Variants in RBFOX1 observed in about 807,000 individuals in gnomAD.
The protein encoded by RBFOX1 is RNA binding protein fox-1 homolog 1.
Under a neutral mutation model 57.7 loss-of-function variants are expected in RBFOX1, and 8 were observed. The ratio of observed to expected loss-of-function variants is 0.14; its 90% CI spans 0.08 to 0.25. RBFOX1 has a LOEUF of 0.25. Among genes scored for constraint, RBFOX1 ranks in the 10% least tolerant of loss-of-function variants. The pLI is 1.00. For synonymous variants in RBFOX1, 326 were observed against 222.4 expected, an observed-to-expected ratio of 1.47 and a Z score of -4.15; for missense variants, 611 against 548.5, an observed-to-expected ratio of 1.11 and a Z score of -1.14.
At chr16:6,648,536 A>G (rs2098552003) in intron 2 of RBFOX1, among the ~76,000 whole-genome samples, 1 of 152,066 alleles carries the variant, frequency 6.6e-6, no homozygotes, top group Admixed American at 6.6e-5. Flanking sequence ...CTAATGCCAG[A>G]ACTGGAATTA....
At chr16:6,485,751 ACTTT>A (rs2095465976) in intron 2 of RBFOX1, among the ~76,000 whole-genome samples, 1 of 152,210 alleles carries the variant, frequency 6.6e-6, no homozygotes, top group Non-Finnish European at 1.5e-5. Context: ...ATACGAAAGT[ACTTT>A]CTGTCTCATG....
At chr16:5,941,551 T>C (rs2059278381) in intron 4 of RBFOX1, among the ~76,000 whole-genome samples, 2 of 151,802 alleles carry the variant, frequency 1.3e-5, no homozygotes, top group South Asian at 4.2e-4. Context: ...GAGGGTCCCA[T>C]GAGAGCAGAA....
At chr16:7,603,528 G>T (rs2095145521) in intron 9 of RBFOX1, among the ~76,000 whole-genome samples, 1 of 152,190 alleles carries the variant, frequency 6.6e-6, no homozygotes, top group African/African-American at 2.4e-5. Flanking sequence ...ACTCTAAGAG[G>T]AGGTGGGAAA....
intron 4 of RBFOX1, among the ~76,000 whole-genome samples, chr16:5,984,749 T>C (rs775883385): frequency 5.3e-5 from 8 of 152,018 alleles, no homozygotes; most frequent in Non-Finnish European, 1.2e-4. Flanking sequence ...CTAGATGGTA[T>C]AGCCTCCTGC....
At chr16:7,544,953 T>C (rs1158196583) in intron 5 of RBFOX1, among the ~76,000 whole-genome samples, 1 of 152,208 alleles carries the variant, frequency 6.6e-6, no homozygotes, top group Admixed American at 6.5e-5. Context: ...GCAGCTCAGT[T>C]ACGATGTGTG....
intron 3 of RBFOX1, among the ~76,000 whole-genome samples, chr16:5,731,477 G>T (rs1167588666): frequency 6.6e-6 from 1 of 152,170 alleles, no homozygotes; most frequent in African/African-American, 2.4e-5. Context: ...CCATTTTACA[G>T]AAAAGAAGAC....
intron 1 of RBFOX1, among the ~76,000 whole-genome samples, chr16:6,104,185 A>C (rs1160685471): frequency 1.3e-5 from 2 of 152,004 alleles, no homozygotes; most frequent in Non-Finnish European, 2.9e-5. Context: ...GACAGACAAT[A>C]ATTGTATATG....
chr16:6,282,980 G>T (rs2076545641), intron 1 of RBFOX1, among the ~76,000 whole-genome samples: 1 of 152,130 alleles, frequency 6.6e-6, no homozygotes, highest in Non-Finnish European at 1.5e-5. Context: ...GTGTACCATT[G>T]TCACCCTGTT....
intron 1 of RBFOX1, among the ~76,000 whole-genome samples, chr16:6,238,090 C>CAAAAAAAAAAAA (rs368995420): frequency 1.5e-5 from 1 of 66,084 alleles, no homozygotes; most frequent in Non-Finnish European, 3.1e-5. Flanking sequence ...GACTCTGTCT[C>CAAAAAAAAAAAA]AAAAAAAAAA....
intron 11 of RBFOX1, among the ~76,000 whole-genome samples, chr16:7,650,544 C>T (rs974126692): frequency 2.0e-4 from 31 of 151,528 alleles, no homozygotes; most frequent in African/African-American, 6.1e-4. Context: ...CCTGGCTCCA[C>T]GCTCTTAACA....
intron 1 of RBFOX1, among the ~76,000 whole-genome samples, chr16:6,265,232 T>A (rs1179583205): frequency 6.6e-6 from 1 of 151,132 alleles, no homozygotes; most frequent in Non-Finnish European, 1.5e-5. Flanking sequence ...GTGGCCCTAT[T>A]TTTTTTTTGA....
intron 3 of RBFOX1, among the ~76,000 whole-genome samples, chr16:5,694,344 A>G (rs923173874): frequency 5.9e-5 from 9 of 152,206 alleles, no homozygotes; most frequent in African/African-American, 2.2e-4. Context: ...ACTGTGATCC[A>G]TTATTGAGGA....
At chr16:7,203,942 G>T (rs2089324796) in intron 4 of RBFOX1, among the ~76,000 whole-genome samples, 1 of 152,212 alleles carries the variant, frequency 6.6e-6, no homozygotes, top group Non-Finnish European at 1.5e-5. Context: ...ATTTGCATCT[G>T]CTTTACATAG....
At chr16:6,834,240 G>C (rs1182067175) in intron 3 of RBFOX1, among the ~76,000 whole-genome samples, 3 of 151,738 alleles carry the variant, frequency 2.0e-5, no homozygotes, top group Non-Finnish European at 4.4e-5. Flanking sequence ...CGCCCCATTA[G>C]TTTTTATATT....
In RBFOX1 at chr16:6,201,562, A is replaced by G. The variant is rs112184840; in HGVS notation, c.-126-115433A>G. On this transcript the variant is annotated intron_variant, in intron 1 of 15. Coordinates refer to ENST00000550418, the MANE Select transcript of RBFOX1 (RefSeq NM_018723.4). ...GAGATTGGGGATGGTTAATGGGTGT[A>G]AAAATACAGTTGATAGAATGAATGA... 2.1e-3 allele frequency among the ~76,000 whole-genome samples: 313 copies of G among 152,246 alleles called. 4 individuals carry two copies. The highest frequency in any genetic ancestry group is 7.1e-3 in the African/African-American group (296 of 41,546).
chr16:6,358,689 CT>C (rs2087836490), intron 2 of RBFOX1, among the ~76,000 whole-genome samples: 1 of 152,212 alleles, frequency 6.6e-6, no homozygotes, highest in African/African-American at 2.4e-5. Flanking sequence ...GGTTAAGTGA[CT>C]TTCCAAGCTT....
chr16:6,959,505 A>T (rs375100277), intron 3 of RBFOX1, among the ~76,000 whole-genome samples: 2,215 of 151,690 alleles, frequency 0.015, 60 homozygotes, highest in African/African-American at 0.051. Flanking sequence ...TTTATTTTTT[A>T]TTTTTTACCC....
chr16:6,300,364 A>G (rs2078667868), intron 1 of RBFOX1, among the ~76,000 whole-genome samples: 1 of 152,184 alleles, frequency 6.6e-6, no homozygotes, highest in Non-Finnish European at 1.5e-5. Context: ...TACACATGTT[A>G]ATTAGCTTGA....
chr16:7,034,841 C>CTTTCTTTTTTTTTTTTTT (rs2043856073), intron 3 of RBFOX1, among the ~76,000 whole-genome samples: 4 of 39,166 alleles, frequency 1.0e-4, no homozygotes, highest in Non-Finnish European at 8.9e-5. Context: ...TTTTTTTTTT[C>CTTTCTTTTTTTTTTTTTT]TTTTTTCTTT....
Sources: gnomAD v4.1 joint callset for allele counts (sites outside exome capture counted in the v4.1 genomes callset) on GRCh38, gnomAD v4.1.1 for gene constraint, MANE v1.5 for transcripts, NCBI Gene and HGNC (gene_info 2026-07-23, HGNC 2026-07-21) for gene names.